SLC1A3: variants seen among roughly 807,000 people sequenced by gnomAD.
SLC1A3 encodes solute carrier family 1 member 3, also known as excitatory amino acid transporter 1.
SLC1A3 carries 21 observed loss-of-function variants against 48.1 expected under a neutral mutation model. That is an observed-to-expected ratio of 0.44 (90% confidence interval 0.31 to 0.63). The LOEUF (loss-of-function observed/expected upper bound fraction) is 0.63. Ranked by LOEUF, SLC1A3 falls within the 20% of genes least tolerant of loss-of-function variation. The pLI, the probability that SLC1A3 is intolerant of heterozygous loss-of-function variation, is 0.08. For missense variants in SLC1A3, 546 were observed against 689.0 expected (o/e 0.79, Z 2.32); for synonymous variants, 239 against 251.4 (o/e 0.95, Z 0.47).
chr5:36,644,402 T>C (rs1053796498), intron 3 of SLC1A3, among the ~76,000 whole-genome samples: 1 of 152,222 alleles, frequency 6.6e-6, no homozygotes, highest in Non-Finnish European at 1.5e-5. Context: ...AAAATGTAGA[T>C]GGTAAACTCA....
chr5:36,619,931 A>G (rs1739597181), intron 2 of SLC1A3, among the ~76,000 whole-genome samples: 2 of 152,262 alleles, frequency 1.3e-5, no homozygotes, highest in Admixed American at 6.5e-5. Context: ...TTTGATGAAC[A>G]TGGTTCTTTT....
intron 2 of SLC1A3, among the ~76,000 whole-genome samples, chr5:36,616,156 C>T (rs1042917510): frequency 2.0e-5 from 3 of 152,072 alleles, no homozygotes; most frequent in Non-Finnish European, 4.4e-5. Flanking sequence ...GATCGTGCCA[C>T]TGCACTCCAG....
At position 36,676,915 on chromosome 5, in the gene SLC1A3, A is replaced by G; in HGVS notation, c.591A>G (p.Arg197=). 6.2e-7 allele frequency: 1 copy of G among 1,613,640 alleles called. No individual in the cohort carries two copies. The change falls in exon 6 of 10, where the codon AGA becomes AGG. Residue 197 remains arginine (R), a synonymous_variant. Transcript: ENST00000265113. The part of the protein sequence containing the change: ...FKQFKTNYEK[R]SFKVPIQANE... Reference sequence around the variant, plus strand: ...AGTTTAAAACCAACTATGAGAAGAGAAGCTTTAAAGTGCCCATCCAGGCCA... The same window carrying G: ...AGTTTAAAACCAACTATGAGAAGAGGAGCTTTAAAGTGCCCATCCAGGCCA...
intron 8 of SLC1A3, among the ~76,000 whole-genome samples, 154 bp downstream of exon 8, chr5:36,680,743 C>G (rs1742409434): frequency 1.3e-5 from 2 of 152,022 alleles, no homozygotes; most frequent in African/African-American, 4.8e-5. Context: ...ATAGTGAAAC[C>G]CTGTCTCCAC....
chr5:36,622,453 A>G (rs555226335), intron 2 of SLC1A3, among the ~76,000 whole-genome samples: 1 of 152,294 alleles, frequency 6.6e-6, no homozygotes, highest in South Asian at 2.1e-4. Flanking sequence ...ACATTTACCA[A>G]AAGTTAAGTA....
intron 9 of SLC1A3, among the ~76,000 whole-genome samples, chr5:36,685,412 G>A (rs900897139): frequency 6.6e-6 from 1 of 152,156 alleles, no homozygotes; most frequent in Non-Finnish European, 1.5e-5. Flanking sequence ...GAGTAGCTGG[G>A]ATTAGAGGCG....
chr5:36,667,735 A>C (rs186104681), intron 3 of SLC1A3: 6 of 152,198 alleles, frequency 3.9e-5, no homozygotes, highest in Admixed American at 3.3e-4. Context: ...CACACACACA[A>C]ATGTGTCATT....
At chr5:36,647,796 T>C (rs1740896069) in intron 3 of SLC1A3, among the ~76,000 whole-genome samples, 1 of 152,232 alleles carries the variant, frequency 6.6e-6, no homozygotes, top group Non-Finnish European at 1.5e-5. Flanking sequence ...ATTTTTGCCA[T>C]TGAAAACTGT....
chr5:36,685,710 A>T (rs2111989302), intron 9 of SLC1A3, among the ~76,000 whole-genome samples: 1 of 152,320 alleles, frequency 6.6e-6, no homozygotes, highest in East Asian at 1.9e-4. Context: ...TTGTGACATC[A>T]CACATCATGT....
intron 2 of SLC1A3, among the ~76,000 whole-genome samples, chr5:36,624,049 G>A (rs1212340034): frequency 6.6e-6 from 1 of 152,020 alleles, no homozygotes; most frequent in East Asian, 1.9e-4. Context: ...AGCAGCCTTC[G>A]TATTCACCGC....
At chr5:36,633,373 T>C (rs1027367466) in intron 3 of SLC1A3, among the ~76,000 whole-genome samples, 1 of 152,050 alleles carries the variant, frequency 6.6e-6, no homozygotes, top group African/African-American at 2.4e-5. Context: ...ATGATGTAAG[T>C]AAAAGAGGTG....
intron 4 of SLC1A3, 45 bp downstream of exon 4, chr5:36,671,278 C>T (rs763674376): frequency 7.2e-7 from 1 of 1,390,882 alleles, no homozygotes; most frequent in East Asian, 2.3e-5. Flanking sequence ...TTTCGCCATC[C>T]AGACCCTCTT....
At chr5:36,684,071 C>T (rs1439040549) in intron 9 of SLC1A3, 73 bp downstream of exon 9, 1 of 1,573,588 alleles carries the variant, frequency 6.4e-7, no homozygotes, top group African/African-American at 1.4e-5. Flanking sequence ...CACCAGGCAG[C>T]CTGGCACATC....
At chr5:36,661,464 CT>C (rs113785248) in intron 3 of SLC1A3, among the ~76,000 whole-genome samples, 2 of 152,224 alleles carry the variant, frequency 1.3e-5, no homozygotes, top group South Asian at 4.1e-4. Context: ...TCACTAGTTG[CT>C]TTTTTTTCTT....
At chr5:36,628,632 T>C (rs966767403) in intron 2 of SLC1A3, among the ~76,000 whole-genome samples, 3 of 152,232 alleles carry the variant, frequency 2.0e-5, no homozygotes, top group Non-Finnish European at 4.4e-5. Context: ...TTTACACTTT[T>C]ATTGACACCA....
Position 36,679,637 on chromosome 5 carries a change from G to C in SLC1A3, c.871G>C (p.Val291Leu). Residue 291 changes from valine to leucine, a missense_variant, in exon 7 of 10, where the codon GTG (valine) becomes CTG (leucine). Around this residue, in one of 3 missense-constraint regions of SLC1A3, gnomAD observed 348 missense variants for 392.0 expected, o/e 0.89. Coordinates refer to ENST00000265113, the MANE Select transcript of SLC1A3 (RefSeq NM_004172.5). The part of the protein sequence containing the change: ...LVAVIMWYAP[V>L]GILFLIAGKI... Reference sequence around the variant, plus strand: ...GTTGCTTCTCCCCAGGTATGCCCCCGTGGGTATTCTCTTCCTGATTGCTGG... The same window carrying C: ...GTTGCTTCTCCCCAGGTATGCCCCCCTGGGTATTCTCTTCCTGATTGCTGG... 1 of 1,613,070 alleles carries C rather than the reference G, an allele frequency of 6.2e-7. No individual in the cohort carries two copies. Among genetic ancestry groups the C allele is most frequent in the Non-Finnish European group, 8.5e-7 (1 of 1,179,092 alleles).
rs115799065 is a variant in SLC1A3 at position 36,654,889 on chromosome 5, G to C, written c.320-16140G>C. Among the ~76,000 whole-genome samples, 994 of 152,242 alleles carry C rather than the reference G, an allele frequency of 6.5e-3. 13 individuals are homozygous for C. Among genetic ancestry groups the C allele is most frequent in the African/African-American group, 0.023 (949 of 41,522 alleles). ...TGTTTGCATCTGAAAAGGTAAACAG[G>C]GGCCAGCTGAGTGGTGCAGGGGACA... On this transcript the variant is annotated intron_variant, in intron 3 of 9. Transcript: ENST00000265113.
chr5:36,644,855 T>C (rs1380013019), intron 3 of SLC1A3, among the ~76,000 whole-genome samples: 1 of 152,148 alleles, frequency 6.6e-6, no homozygotes, highest in East Asian at 1.9e-4. Context: ...GCCGCCCCTG[T>C]GGTTGTCCTG....
At chr5:36,683,750 C>T in intron 8 of SLC1A3, 114 bp from the exon 9 acceptor site, 2 of 1,137,740 alleles carry the variant, frequency 1.8e-6, no homozygotes, top group Non-Finnish European at 2.6e-6. Flanking sequence ...TGAAGCGCGT[C>T]CTCTTGTGTT....
Sources: gnomAD v4.1 joint callset for allele counts (sites outside exome capture counted in the v4.1 genomes callset) on GRCh38, gnomAD v4.1.1 for gene constraint, gnomAD v4.1.1 regional missense constraint, MANE v1.5 for transcripts, NCBI Gene and HGNC (gene_info 2026-07-23, HGNC 2026-07-21) for gene names.